Variants in MESP1 observed in about 807,000 individuals in gnomAD.
The protein encoded by MESP1 is mesoderm posterior protein 1.
A neutral mutation model predicts 15.2 loss-of-function variants in MESP1; 22 were observed. The ratio of observed to expected loss-of-function variants is 1.45; its 90% CI spans 1.04 to 2.07. MESP1 has a LOEUF of 2.07. Among genes scored for constraint, MESP1 ranks in the 30% most tolerant of loss-of-function variants. MESP1 has a pLI of 0.00. For synonymous variants in MESP1, 216 were observed against 192.6 expected, an observed-to-expected ratio of 1.12 and a Z score of -1.01; for missense variants, 484 against 411.9, an observed-to-expected ratio of 1.17 and a Z score of -1.51.
the MESP1 span, among the ~76,000 whole-genome samples, chr15:89,744,861 C>T: frequency 1.4e-4 from 21 of 152,178 alleles, no homozygotes; most frequent in Non-Finnish European, 3.1e-4. Context: ...TTGGGTGACA[C>T]CAGAAGCACC....
chr15:89,734,407 G>T, the MESP1 span, among the ~76,000 whole-genome samples: 2 of 152,082 alleles, frequency 1.3e-5, no homozygotes, highest in East Asian at 1.9e-4. Flanking sequence ...TTTCCTCATG[G>T]TCTCTCCTGC....
At chr15:89,733,298 CCT>C in the MESP1 span, 1 of 1,349,800 alleles carries the variant, frequency 7.4e-7, no homozygotes, top group Non-Finnish European at 1.0e-6. Flanking sequence ...AATCTGACAG[CCT>C]CTCTGACTAC....
the MESP1 span, among the ~76,000 whole-genome samples, chr15:89,736,793 C>CTT: frequency 7.7e-6 from 1 of 130,534 alleles, no homozygotes; most frequent in Admixed American, 7.7e-5. Flanking sequence ...TCAAAGGGGG[C>CTT]TTTTTTTTTT....
At chr15:89,749,396 T>G (rs1407625119), downstream of MESP1, 1 of 151,982 alleles carries the variant, frequency 6.6e-6, no homozygotes, top group African/African-American at 2.4e-5. Context: ...TGCAAGAAAA[T>G]AACCCCTTGG....
downstream of MESP1, among the ~76,000 whole-genome samples, chr15:89,744,944 T>C (rs1967897990): frequency 6.6e-6 from 1 of 152,222 alleles, no homozygotes; most frequent in Non-Finnish European, 1.5e-5. Flanking sequence ...ATGTAGTCTC[T>C]TTCCTGAACC....
the MESP1 span, among the ~76,000 whole-genome samples, chr15:89,732,644 G>A: frequency 1.0e-4 from 14 of 135,742 alleles, no homozygotes; most frequent in African/African-American, 3.2e-4. Flanking sequence ...CACACACACC[G>A]CCTTTTCTGA....
Position 89,750,902 on chromosome 15 carries a change from C to T in MESP1, c.330G>A (p.Pro110=). 1.3e-6 allele frequency: 2 copies of T among 1,486,532 alleles called. No homozygotes were observed. The highest frequency in any genetic ancestry group is 1.8e-6 in the Non-Finnish European group (2 of 1,123,976). The allele number at this position is 1,486,532 out of a possible 1,614,324, so 92.1% of individuals were successfully genotyped here. A position where few individuals can be genotyped will look rare whatever the true frequency, so the allele number is the denominator to read the frequency against. Residue 110 remains proline (P), a synonymous_variant, in exon 1 of 2, where the codon CCG becomes CCA. Transcript: ENST00000300057. ...RALHELRRFL[P]PSVAPAGQSL... Reference sequence around the variant, plus strand: ...TCTGGCCCGCGGGCGCCACGGACGGCGGTAGAAAGCGGCGCAGCTCGTGCA... The same window carrying T: ...TCTGGCCCGCGGGCGCCACGGACGGTGGTAGAAAGCGGCGCAGCTCGTGCA...
At chr15:89,746,262 C>T (rs1312335223), downstream of MESP1, among the ~76,000 whole-genome samples, 1 of 151,284 alleles carries the variant, frequency 6.6e-6, no homozygotes, top group Admixed American at 6.6e-5. Context: ...ATCCACACCT[C>T]CACACGTCCA....
At chr15:89,734,597 T>G in the MESP1 span, among the ~76,000 whole-genome samples, 1 of 152,172 alleles carries the variant, frequency 6.6e-6, no homozygotes, top group East Asian at 1.9e-4. Flanking sequence ...GACTCCATCT[T>G]TTGATGGGAG....
chr15:89,743,298 G>A, the MESP1 span: 5 of 1,614,228 alleles, frequency 3.1e-6, no homozygotes, highest in Non-Finnish European at 4.2e-6. Context: ...TCAGCTATCG[G>A]AAGCTGGAGA....
chr15:89,751,240 C>T lies in MESP1; in HGVS notation c.-9G>A, dbSNP rs1475348968. 2 of 1,234,140 alleles carry T rather than the reference C, an allele frequency of 1.6e-6. No individual in the cohort carries two copies. Among genetic ancestry groups the T allele is most frequent in the South Asian group, 4.0e-5 (1 of 24,824 alleles). 76.4% of individuals were successfully genotyped at this position (1,234,140 alleles called of 1,614,324 possible). A position where few individuals can be genotyped will look rare whatever the true frequency, so the allele number is the denominator to read the frequency against. ...CACAGGGGCTGGGCCATGGCAGCGG[C>T]GGCGCGTCTGGGGGCCGGCGGCCGG... On this transcript the variant is annotated 5_prime_UTR_variant, in exon 1 of 2. Coordinates refer to ENST00000300057, the MANE Select transcript of MESP1 (RefSeq NM_018670.4).
At chr15:89,747,091 C>T (rs1415041461), downstream of MESP1, among the ~76,000 whole-genome samples, 12 of 146,092 alleles carry the variant, frequency 8.2e-5, no homozygotes, top group African/African-American at 3.0e-4. Flanking sequence ...CACACAGCCC[C>T]ACTGCCACAT....
chr15:89,736,629 A>C, the MESP1 span, among the ~76,000 whole-genome samples: 28 of 152,182 alleles, frequency 1.8e-4, no homozygotes, highest in Admixed American at 1.1e-3. Flanking sequence ...AAGTGAGAGC[A>C]GTGTCCTGTG....
At position 89,750,728 on chromosome 15, in the gene MESP1, G is replaced by A. The variant is rs1968073575; in HGVS notation, c.504C>T (p.Asp168=). 3 of 1,412,644 alleles carry A rather than the reference G, an allele frequency of 2.1e-6. No individual in the cohort carries two copies. The highest frequency in any genetic ancestry group is 2.8e-6 in the Non-Finnish European group (3 of 1,087,408). 87.5% of individuals were successfully genotyped at this position (1,412,644 alleles called of 1,614,324 possible). The change falls in exon 1 of 2, where the codon GAC becomes GAT. Residue 168 remains aspartate (D), a synonymous_variant. Coordinates refer to ENST00000300057, the MANE Select transcript of MESP1 (RefSeq NM_018670.4). ...GSPRGCPLCP[D]DCPAQMQTRT... ...GTGTCTGCATCTGCGCGGGGCAGTC[G>A]TCGGGGCACAGCGGGCAGCCCCGAG...
chr15:89,739,115 CAAA>C, the MESP1 span, among the ~76,000 whole-genome samples: 2,375 of 127,184 alleles, frequency 0.019, 75 homozygotes, highest in African/African-American at 0.062. Context: ...GACCCTGCCT[CAAA>C]AAAAAAAAAA....
At chr15:89,733,096 ATATG>A in the MESP1 span, 1 of 1,614,186 alleles carries the variant, frequency 6.2e-7, no homozygotes, top group South Asian at 1.1e-5. Flanking sequence ...AAAGGACAGA[ATATG>A]TATCCTGAAG....
rs767895868 is a variant in MESP1, at chr15:89,750,621, G to A, written c.611C>T (p.Pro204Leu). Residue 204 changes from proline (P) to leucine (L), a missense_variant, in exon 1 of 2, where the codon CCG becomes CTG. By Grantham distance (98) the Pro-to-Leu change is moderately conservative. Coordinates refer to ENST00000300057, the MANE Select transcript of MESP1 (RefSeq NM_018670.4). ...AGCTCGGGCTCCGGGGCAGGCAGGC[G>A]GGGATCCCCAGGACGCCCCGGCGCG... ...AVRAGASWGS[P>L]PACPGARAAP... 58 of 1,388,538 alleles carry A rather than the reference G, an allele frequency of 4.2e-5. No homozygotes were observed. Among genetic ancestry groups the A allele is most frequent in the Non-Finnish European group, 5.2e-5 (56 of 1,080,252 alleles). 86.0% of individuals were successfully genotyped at this position (1,388,538 alleles called of 1,614,324 possible).
Position 89,750,840 on chromosome 15 carries a change from C to A in MESP1, c.392G>T (p.Arg131Leu). 1 of 1,532,072 alleles carries A rather than the reference C, an allele frequency of 6.5e-7. No individual in the cohort carries two copies. Among genetic ancestry groups the A allele is most frequent in the Non-Finnish European group, 8.7e-7 (1 of 1,144,904 alleles). 94.9% of individuals were successfully genotyped at this position (1,532,072 alleles called of 1,614,324 possible). A position where few individuals can be genotyped will look rare whatever the true frequency, so the allele number is the denominator to read the frequency against. Residue 131 changes from arginine to leucine, a missense_variant, in exon 1 of 2, where the codon CGC (arginine) becomes CTC (leucine). Coordinates refer to ENST00000300057, the MANE Select transcript of MESP1 (RefSeq NM_018670.4). ...CACGGCCGACAGGTGGCCGATATAG[C>A]GGATAGCCAGGCGCAGCGTCTCGAT... ...TKIETLRLAIRYIGHLSAVLG... is the reference protein window; with the variant it reads ...TKIETLRLAILYIGHLSAVLG...
the MESP1 span, among the ~76,000 whole-genome samples, chr15:89,740,346 G>A: frequency 6.6e-5 from 10 of 152,304 alleles, no homozygotes; most frequent in East Asian, 1.2e-3. Context: ...GGTACCTCCC[G>A]GAGGGAAATG....
Sources: allele counts gnomAD v4.1 joint callset (sites outside exome capture counted in the v4.1 genomes callset), GRCh38; gene constraint gnomAD v4.1.1; transcripts MANE v1.5; gene names NCBI Gene and HGNC (gene_info 2026-07-23, HGNC 2026-07-21).